Variants in SPATA13 observed in about 807,000 individuals in gnomAD.
SPATA13 encodes the protein spermatogenesis associated 13.
In SPATA13, 50 loss-of-function variants were observed where a neutral mutation model predicts 104.0. That is an observed-to-expected ratio of 0.48 (90% CI 0.38 to 0.61). The LOEUF (loss-of-function observed/expected upper bound fraction) is 0.61, where lower values mean the gene tolerates loss of function less well. Among genes scored for constraint, SPATA13 ranks in the 20% least tolerant of loss-of-function variants. The pLI, the probability that SPATA13 is intolerant of heterozygous loss-of-function variation, is 0.00. For missense variants in SPATA13, 1,524 were observed against 1,690.6 expected, an observed-to-expected ratio of 0.90 and a Z score of 1.73; for synonymous variants, 606 against 667.5, an observed-to-expected ratio of 0.91 and a Z score of 1.42.
rs1162514203 is a variant in SPATA13, at chr13:24,304,602, ACAT to A, written c.*1833_*1835del. On this transcript the variant is annotated 3_prime_UTR_variant, in exon 13 of 13. Coordinates refer to ENST00000382108, the MANE Select transcript of SPATA13 (RefSeq NM_001166271.3). ...ACATCCAGAGCCGTTCCTGAGAGTG[ACAT>A]CATGCATCAAGAAAACATAACCTTG... 6.6e-6 allele frequency: 1 copy of A among 152,256 alleles called. No individual in the cohort carries two copies. Among genetic ancestry groups the A allele is most frequent in the East Asian group, 1.9e-4 (1 of 5,198 alleles). 9.4% of individuals were successfully genotyped at this position (152,256 alleles called of 1,614,324 possible).
At chr13:24,156,680 A>G (rs1220579), upstream of SPATA13, among the ~76,000 whole-genome samples, 81,844 of 152,110 alleles carry the variant, frequency 0.54, 23,168 homozygotes, top group East Asian at 0.77. Context: ...ATTCTAATCA[A>G]TGATAGCCAC....
chr13:24,014,695 T>C (rs2137690694), intron 2 of SPATA13, among the ~76,000 whole-genome samples: 1 of 152,276 alleles, frequency 6.6e-6, no homozygotes, highest in East Asian at 1.9e-4. Flanking sequence ...TTTAACAACT[T>C]CCTTTAAAAG....
intron 9 of SPATA13, 102 bp downstream of exon 9, chr13:24,290,986 T>A: frequency 1.1e-6 from 1 of 915,292 alleles, no homozygotes; most frequent in Non-Finnish European, 1.7e-6. Context: ...GTGTCAGCCT[T>A]AACACTTTGG....
At chr13:24,280,398 A>G (rs1266826384) in intron 4 of SPATA13, among the ~76,000 whole-genome samples, 1 of 152,182 alleles carries the variant, frequency 6.6e-6, no homozygotes, top group Non-Finnish European at 1.5e-5. Flanking sequence ...TCTCCCTTGG[A>G]AAACACTGTT....
chr13:24,048,466 T>TAAGC (rs72411718), intron 3 of SPATA13, among the ~76,000 whole-genome samples: 1 of 630 alleles, frequency 1.6e-3, no homozygotes, highest in East Asian at 0.12. Context: ...TCTAGTAAAC[T>TAAGC]AATCAAGGAT....
At chr13:24,018,561 CAG>C (rs1377402503) in intron 3 of SPATA13, among the ~76,000 whole-genome samples, 1 of 152,188 alleles carries the variant, frequency 6.6e-6, no homozygotes, top group African/African-American at 2.4e-5. Context: ...GTTTAGGTCT[CAG>C]AAAACCTGAG....
intron 3 of SPATA13, among the ~76,000 whole-genome samples, chr13:24,053,784 C>T (rs1295882793): frequency 2.6e-5 from 4 of 152,138 alleles, no homozygotes; most frequent in Non-Finnish European, 5.9e-5. Context: ...TTTAAGACAC[C>T]AAAACAACCC....
At chr13:24,235,920 T>C (rs1872540058) in intron 2 of SPATA13, among the ~76,000 whole-genome samples, 1 of 152,244 alleles carries the variant, frequency 6.6e-6, no homozygotes, top group Non-Finnish European at 1.5e-5. Flanking sequence ...CAAATTGATA[T>C]GCCTTTTCAG....
At chr13:24,144,075 T>C (rs548693169) in intron 3 of SPATA13, among the ~76,000 whole-genome samples, 1 of 152,276 alleles carries the variant, frequency 6.6e-6, no homozygotes, top group South Asian at 2.1e-4. Context: ...TGAATGTTCA[T>C]GAGCTGAATG....
intron 4 of SPATA13, among the ~76,000 whole-genome samples, chr13:24,255,754 C>G (rs553617165): frequency 1.3e-5 from 2 of 152,320 alleles, no homozygotes; most frequent in Admixed American, 6.5e-5. Context: ...CCTGGAACTC[C>G]TTCCTTTCTA....
In SPATA13 at chr13:24,284,165, C is replaced by T; in HGVS notation, c.2195C>T (p.Ala732Val). 6.2e-7 allele frequency: 1 copy of T among 1,613,756 alleles called. No individual in the cohort carries two copies. The highest frequency in any genetic ancestry group is 8.5e-7 in the Non-Finnish European group (1 of 1,179,904). ...VSSDGGTEPS[A>V]LVDDNGSEED... ...TCAGATGGAGGTACTGAGCCCTCTGCCTTAGTGGATGACAACGGTAGTGAG... is the reference window on the plus strand; with the variant it reads ...TCAGATGGAGGTACTGAGCCCTCTGTCTTAGTGGATGACAACGGTAGTGAG... Residue 732 changes from alanine (A) to valine (V), a missense_variant, in exon 5 of 13, where the codon GCC becomes GTC. Around this residue, in one of 2 missense-constraint regions of SPATA13, gnomAD observed 1,089 missense variants for 1,135.9 expected, o/e 0.96. Coordinates refer to ENST00000382108, the MANE Select transcript of SPATA13 (RefSeq NM_001166271.3).
At chr13:24,081,506 T>C (rs1345533839) in intron 3 of SPATA13, among the ~76,000 whole-genome samples, 1 of 151,654 alleles carries the variant, frequency 6.6e-6, no homozygotes, top group Non-Finnish European at 1.5e-5. Context: ...CTCATTCTAT[T>C]TCTTACTAAA....
chr13:24,016,358 C>T lies in SPATA13; in HGVS notation c.-146-1309C>T, dbSNP rs76717202. Among the ~76,000 whole-genome samples, 554 of 152,346 alleles carry T rather than the reference C, an allele frequency of 3.6e-3. 5 individuals carry two copies. The highest frequency in any genetic ancestry group is 0.012 in the African/African-American group (504 of 41,586). On this transcript the variant is annotated intron_variant, in intron 2 of 14. Coordinates refer to the SPATA13 transcript ENST00000424834. Reference sequence around the variant, plus strand: ...AGTAGCTACCATTTCCATTTGGATCCAGATGTGACATCTTCCCATTTCTGA... The same window carrying T: ...AGTAGCTACCATTTCCATTTGGATCTAGATGTGACATCTTCCCATTTCTGA...
chr13:24,222,763 C>T, intron 1 of SPATA13, 56 bp from the exon 2 acceptor site: 1 of 1,423,214 alleles, frequency 7.0e-7, no homozygotes, highest in South Asian at 1.4e-5. Flanking sequence ...CTTCTGTGAG[C>T]AGAGGGGCTA....
chr13:24,156,714 T>G (rs9551072), upstream of SPATA13, among the ~76,000 whole-genome samples: 32,988 of 152,182 alleles, frequency 0.22, 3,822 homozygotes, highest in African/African-American at 0.29. Context: ...TTTGACCACG[T>G]GCCAGGCAGT....
At chr13:23,993,965 G>A (rs922719870) in intron 2 of SPATA13, among the ~76,000 whole-genome samples, 3 of 141,074 alleles carry the variant, frequency 2.1e-5, no homozygotes, top group Non-Finnish European at 4.5e-5. Flanking sequence ...GGTGATGGTG[G>A]TGGTGTTTTT....
chr13:24,227,471 A>G (rs1475678875), intron 2 of SPATA13, among the ~76,000 whole-genome samples: 25 of 152,220 alleles, frequency 1.6e-4, no homozygotes, highest in Admixed American at 1.6e-3. Flanking sequence ...AACAACAATT[A>G]TATTGAAATT....
intron 4 of SPATA13, among the ~76,000 whole-genome samples, chr13:24,254,791 C>T (rs1873699325): frequency 6.6e-6 from 1 of 151,582 alleles, no homozygotes; most frequent in African/African-American, 2.4e-5. Flanking sequence ...TCCATTTTTG[C>T]CACCATGGCC....
At chr13:24,285,590 T>C (rs1007401233) in intron 5 of SPATA13, among the ~76,000 whole-genome samples, 1 of 149,334 alleles carries the variant, frequency 6.7e-6, no homozygotes, top group African/African-American at 2.4e-5. Context: ...TAATCTCGGC[T>C]CACTGCACCT....
Sources: allele counts gnomAD v4.1 joint callset (sites outside exome capture counted in the v4.1 genomes callset), GRCh38; gene constraint gnomAD v4.1.1; regional missense constraint gnomAD v4.1.1; transcripts MANE v1.5; gene names NCBI Gene and HGNC (gene_info 2026-07-23, HGNC 2026-07-21).